Variants in CNGB3 observed in about 807,000 individuals in gnomAD.
CNGB3 encodes the protein cyclic nucleotide gated channel subunit beta 3, also known as cyclic nucleotide-gated channel beta-3.
Under a neutral mutation model 92.8 loss-of-function variants are expected in CNGB3, and 86 were observed. That is an observed-to-expected ratio of 0.93 (90% CI 0.78 to 1.11). CNGB3 has a LOEUF of 1.11. Among genes scored for constraint, CNGB3 ranks in the 50% least tolerant of loss-of-function variants. The pLI, the probability that CNGB3 is intolerant of heterozygous loss-of-function variation, is 0.00. For missense variants in CNGB3, 1,026 were observed against 956.8 expected (o/e 1.07, Z -0.95); for synonymous variants, 333 against 332.7 (o/e 1.00, Z -0.01).
intron 15 of CNGB3, among the ~76,000 whole-genome samples, chr8:86,596,819 A>T (rs796377174): frequency 6.6e-6 from 1 of 152,222 alleles, no homozygotes; most frequent in Non-Finnish European, 1.5e-5. Flanking sequence ...AATGTGGCAC[A>T]TATGCACCAT....
intron 6 of CNGB3, 35 bp downstream of exon 6, chr8:86,666,890 C>A (rs375483191): frequency 6.6e-7 from 1 of 1,517,868 alleles, no homozygotes; most frequent in South Asian, 1.1e-5. Flanking sequence ...ATGTTATTCA[C>A]GTTTCAGTTT....
At chr8:86,738,061 A>G (rs1035908050) in intron 2 of CNGB3, among the ~76,000 whole-genome samples, 1 of 152,220 alleles carries the variant, frequency 6.6e-6, no homozygotes, top group African/African-American at 2.4e-5. Flanking sequence ...TTTAGTGCAA[A>G]TAGGAAGTCA....
Position 86,643,866 on chromosome 8 carries a change from GA to G in CNGB3, c.1062del (p.Arg355GlufsTer41). The G allele has an allele frequency of 6.2e-7, 1 of 1,605,074 alleles. No homozygotes were observed. Among genetic ancestry groups the G allele is most frequent in the Non-Finnish European group, 8.5e-7 (1 of 1,174,084 alleles). Reference protein sequence around the residue: ...IMDKAYIYRVIRTTGYLLFIL... With the variant: ...IMDKAYIYRVXRTTGYLLFIL... ...ATAAACAGCAAGTATCCAGTTGTTCGAATAACTCTGTCAGAGAGAATAGATG... is the reference window on the plus strand; with the variant it reads ...ATAAACAGCAAGTATCCAGTTGTTCGATAACTCTGTCAGAGAGAATAGATG... On this transcript the variant is annotated frameshift_variant, in exon 10 of 18. Coordinates refer to ENST00000320005, the MANE Select transcript of CNGB3 (RefSeq NM_019098.5). LOFTEE classifies it high-confidence loss of function.
At chr8:86,726,831 G>A (rs561066659) in intron 2 of CNGB3, among the ~76,000 whole-genome samples, 174 bp from the exon 3 acceptor site, 98 of 152,264 alleles carry the variant, frequency 6.4e-4, no homozygotes, top group Middle Eastern at 3.4e-3. Flanking sequence ...GAATTAACTG[G>A]TAGACACCTT....
intron 3 of CNGB3, among the ~76,000 whole-genome samples, chr8:86,700,722 T>G (rs1824539529): frequency 6.6e-6 from 1 of 152,178 alleles, no homozygotes; most frequent in Admixed American, 6.5e-5. Flanking sequence ...CACTGCAACC[T>G]CCATCTCCCG....
Position 86,575,620 on chromosome 8 carries a change from A to T in CNGB3, c.*184T>A. 3 of 536,324 alleles carry T rather than the reference A, an allele frequency of 5.6e-6. No homozygotes were observed. The highest frequency in any genetic ancestry group is 9.8e-6 in the Non-Finnish European group (3 of 305,874). The allele number at this position is 536,324 out of a possible 1,614,324, so 33.2% of individuals were successfully genotyped here. A position where few individuals can be genotyped will look rare whatever the true frequency, so the allele number is the denominator to read the frequency against. ...AAACGGAGAATAGGGATGGCTTTTA[A>T]TAATCTTCTTATTACCACTGCATGA... On this transcript the variant is annotated 3_prime_UTR_variant, in exon 18 of 18. Coordinates refer to ENST00000320005, the MANE Select transcript of CNGB3 (RefSeq NM_019098.5).
At chr8:86,619,176 C>T (rs1439494486) in intron 13 of CNGB3, among the ~76,000 whole-genome samples, 4 of 152,232 alleles carry the variant, frequency 2.6e-5, no homozygotes, top group East Asian at 1.9e-4. Flanking sequence ...GATTCTAATG[C>T]ACGCCACTAG....
intron 7 of CNGB3, among the ~76,000 whole-genome samples, chr8:86,651,160 G>A (rs537475229): frequency 6.6e-6 from 1 of 151,428 alleles, no homozygotes; most frequent in Admixed American, 6.6e-5. Flanking sequence ...GACCAGAAGG[G>A]GGGGTGTGTT....
At position 86,643,779 on chromosome 8, in the gene CNGB3, T is replaced by G. The variant is rs1823237462; in HGVS notation, c.1150A>C (p.Arg384=). The G allele has an allele frequency of 6.2e-7, 1 of 1,606,058 alleles. No individual in the cohort carries two copies. Among genetic ancestry groups the G allele is most frequent in the Non-Finnish European group, 8.5e-7 (1 of 1,175,198 alleles). The change falls in exon 10 of 18, where the codon AGA becomes CGA. Residue 384 remains arginine (R), a synonymous_variant. Transcript: ENST00000320005. Reference sequence around the variant, plus strand: ...TTTCCTTCCCCATCATACACCCATCTAGTAGTGCCAATTCCTTCATAGTTT... The same window carrying G: ...TTTCCTTCCCCATCATACACCCATCGAGTAGTGCCAATTCCTTCATAGTTT... ...ASNYEGIGTT[R]WVYDGEGNEY...
At chr8:86,627,995 G>T (rs1005247205) in intron 12 of CNGB3, among the ~76,000 whole-genome samples, 1 of 152,136 alleles carries the variant, frequency 6.6e-6, no homozygotes, top group Admixed American at 6.5e-5. Flanking sequence ...TTACTAGTAA[G>T]TATAGTTCTT....
intron 3 of CNGB3, among the ~76,000 whole-genome samples, chr8:86,718,223 C>CA (rs2100114410): frequency 6.6e-6 from 1 of 151,916 alleles, no homozygotes; most frequent in South Asian, 2.1e-4. Flanking sequence ...AGAGATGACA[C>CA]AAAAAACCGT....
At chr8:86,699,284 A>G in intron 3 of CNGB3, among the ~76,000 whole-genome samples, 1 of 152,190 alleles carries the variant, frequency 6.6e-6, no homozygotes, top group Non-Finnish European at 1.5e-5. Context: ...ATCTTATATA[A>G]TAATAATTTA....
chr8:86,610,993 A>G (rs1302404208), intron 14 of CNGB3, among the ~76,000 whole-genome samples: 1 of 151,592 alleles, frequency 6.6e-6, no homozygotes, highest in Non-Finnish European at 1.5e-5. Flanking sequence ...TATGTACAGT[A>G]TGATGCCACT....
intron 15 of CNGB3, among the ~76,000 whole-genome samples, chr8:86,593,475 GT>G (rs1011300554): frequency 2.0e-5 from 3 of 152,178 alleles, no homozygotes; most frequent in Non-Finnish European, 4.4e-5. Flanking sequence ...TAGTTTTAAA[GT>G]TTTTTTTAAA....
At chr8:86,726,393 A>G in intron 3 of CNGB3, 138 bp downstream of exon 3, 1 of 1,208,536 alleles carries the variant, frequency 8.3e-7, no homozygotes, top group South Asian at 1.2e-5. Context: ...TAGTTCTGAC[A>G]CAGTTTTTTT....
At chr8:86,697,784 C>T (rs1824475761) in intron 3 of CNGB3, among the ~76,000 whole-genome samples, 2 of 151,948 alleles carry the variant, frequency 1.3e-5, no homozygotes, top group South Asian at 2.1e-4. Flanking sequence ...AATGCTATCC[C>T]TCCCTCCTCC....
intron 15 of CNGB3, among the ~76,000 whole-genome samples, chr8:86,589,797 G>GA (rs1328095439): frequency 2.0e-5 from 3 of 151,826 alleles, no homozygotes; most frequent in Admixed American, 6.6e-5. Context: ...GTGTGGTGCT[G>GA]AAAAAAATGT....
intron 15 of CNGB3, among the ~76,000 whole-genome samples, chr8:86,580,854 A>G (rs749182588): frequency 3.9e-5 from 6 of 152,218 alleles, no homozygotes; most frequent in Non-Finnish European, 8.8e-5. Flanking sequence ...AATCTGTTAG[A>G]AACTGAGAAA....
At chr8:86,683,182 T>C (rs190901256) in intron 3 of CNGB3, among the ~76,000 whole-genome samples, 3 of 152,196 alleles carry the variant, frequency 2.0e-5, no homozygotes, top group African/African-American at 7.2e-5. Flanking sequence ...GAATGGAGAA[T>C]GAATATTCAG....
Sources: gnomAD v4.1 joint callset for allele counts (sites outside exome capture counted in the v4.1 genomes callset) on GRCh38, gnomAD v4.1.1 for gene constraint, MANE v1.5 for transcripts, NCBI Gene and HGNC (gene_info 2026-07-23, HGNC 2026-07-21) for gene names.